Variants in RCOR3 observed in about 807,000 individuals in gnomAD.
The protein encoded by RCOR3 is REST corepressor 3.
RCOR3 carries 13 observed loss-of-function variants against 64.1 expected under a neutral mutation model. That is an observed-to-expected ratio of 0.20 (90% confidence interval 0.13 to 0.32). The LOEUF is 0.32. Among genes scored for constraint, RCOR3 ranks in the 10% least tolerant of loss-of-function variants. The pLI is 1.00. For missense variants in RCOR3, 489 were observed against 701.2 expected, an observed-to-expected ratio of 0.70 and a Z score of 3.42; for synonymous variants, 215 against 239.0, an observed-to-expected ratio of 0.90 and a Z score of 0.93.
intron 10 of RCOR3, among the ~76,000 whole-genome samples, chr1:211,308,698 T>TTTTTTTTTG (rs1701171863): frequency 9.8e-5 from 4 of 40,874 alleles, no homozygotes; most frequent in African/African-American, 2.7e-4. Context: ...TTTTTTTTTT[T>TTTTTTTTTG]TGTGTAGTCC....
In RCOR3 at chr1:211,259,487, G is replaced by T; in HGVS notation, c.-74G>T. 1.4e-6 allele frequency: 2 copies of T among 1,409,302 alleles called. No individual in the cohort carries two copies. Among genetic ancestry groups the T allele is most frequent in the Non-Finnish European group, 1.9e-6 (2 of 1,055,400 alleles). The allele number at this position is 1,409,302 out of a possible 1,614,324, so 87.3% of individuals were successfully genotyped here. A position where few individuals can be genotyped will look rare whatever the true frequency, so the allele number is the denominator to read the frequency against. ...CCTCCTCCTCCTTTCCCTCCCGCCCGCGCTCTAAGCCATCTCCGCCTTCAC... is the reference window on the plus strand; with the variant it reads ...CCTCCTCCTCCTTTCCCTCCCGCCCTCGCTCTAAGCCATCTCCGCCTTCAC... On this transcript the variant is annotated 5_prime_UTR_variant, in exon 1 of 12. Transcript: ENST00000419091.
At chr1:211,290,381 C>G (rs1699108885) in intron 8 of RCOR3, among the ~76,000 whole-genome samples, 1 of 152,184 alleles carries the variant, frequency 6.6e-6, no homozygotes, top group Non-Finnish European at 1.5e-5. Flanking sequence ...TTTCCCAACA[C>G]ATGTAAACCA....
Position 211,289,164 on chromosome 1 carries a change from T to C in RCOR3, c.721-14T>C. The C allele has an allele frequency of 6.2e-7, 1 of 1,602,836 alleles. No homozygotes were observed. Among genetic ancestry groups the C allele is most frequent in the Non-Finnish European group, 8.5e-7 (1 of 1,169,762 alleles). ...AAAACCAAGTGACCTGTTATTCTGCTTTTATTCTCTTAGGGTAATACTGAA... is the reference window on the plus strand; with the variant it reads ...AAAACCAAGTGACCTGTTATTCTGCCTTTATTCTCTTAGGGTAATACTGAA... On this transcript the variant is annotated splice_polypyrimidine_tract_variant and intron_variant, in intron 7 of 11. Coordinates refer to ENST00000419091, the MANE Select transcript of RCOR3 (RefSeq NM_001136223.3).
chr1:211,271,206 T>C, intron 2 of RCOR3, 26 bp from the exon 3 acceptor site: 1 of 1,591,442 alleles, frequency 6.3e-7, no homozygotes, highest in Non-Finnish European at 8.6e-7. Flanking sequence ...TCCATCATAT[T>C]CAAAGTAATT....
intron 8 of RCOR3, among the ~76,000 whole-genome samples, chr1:211,293,528 T>C (rs1558089829): frequency 6.6e-6 from 1 of 152,196 alleles, no homozygotes. Context: ...GCTGTCCTTT[T>C]CTTTGGAACA....
At position 211,289,313 on chromosome 1, in the gene RCOR3, G is replaced by A. The variant is rs1698950656; in HGVS notation, c.856G>A (p.Val286Met). Residue 286 changes from valine (V) to methionine (M), a missense_variant, in exon 8 of 12, where the codon GTG becomes ATG. By Grantham distance (21) the Val-to-Met change is conservative. Around this residue, in one of 2 missense-constraint regions of RCOR3, gnomAD observed 402 missense variants for 617.0 expected, o/e 0.65. Transcript: ENST00000419091. Reference protein sequence around the residue: ...PKGMYLTQEDVVAVSCSPNAA... With the variant: ...PKGMYLTQEDMVAVSCSPNAA... ...GGGCATGTATTTAACCCAGGAAGAT[G>A]TGGTAGCAGTTTCCTGTAGTCCCAA... 6.2e-7 allele frequency: 1 copy of A among 1,614,042 alleles called. No individual in the cohort carries two copies. The highest frequency in any genetic ancestry group is 8.5e-7 in the Non-Finnish European group (1 of 1,180,032).
At position 211,260,172 on chromosome 1, in the gene RCOR3, T is replaced by A; in HGVS notation, c.223+8T>A. On this transcript the variant is annotated splice_region_variant and intron_variant, in intron 2 of 11. Transcript: ENST00000419091. Reference sequence around the variant, plus strand: ...TCCCTGAATTTGATCCAGGTAGATATATTTGCTTAAGCAAAATCTCATATC... The same window carrying A: ...TCCCTGAATTTGATCCAGGTAGATAAATTTGCTTAAGCAAAATCTCATATC... 6.2e-7 allele frequency: 1 copy of A among 1,611,496 alleles called. No homozygotes were observed. The highest frequency in any genetic ancestry group is 8.5e-7 in the Non-Finnish European group (1 of 1,178,076).
chr1:211,308,042 AAGT>A (rs1214767646), intron 10 of RCOR3, among the ~76,000 whole-genome samples: 3 of 152,152 alleles, frequency 2.0e-5, no homozygotes, highest in African/African-American at 7.2e-5. Flanking sequence ...AAAGGAGAAA[AAGT>A]AGATTTGGCA....
intron 9 of RCOR3, chr1:211,301,432 A>C (rs1700368246): frequency 6.6e-6 from 1 of 152,138 alleles, no homozygotes; most frequent in African/African-American, 2.4e-5. Flanking sequence ...TTGCCCCCCA[A>C]AACAAAACAC....
intron 2 of RCOR3, among the ~76,000 whole-genome samples, chr1:211,265,233 GTCTT>G (rs1453484685): frequency 2.6e-5 from 4 of 152,056 alleles, no homozygotes; most frequent in African/African-American, 9.7e-5. Flanking sequence ...TGATAATAAA[GTCTT>G]TATCTGTATT....
At chr1:211,300,421 T>C in intron 9 of RCOR3, among the ~76,000 whole-genome samples, 1 of 152,184 alleles carries the variant, frequency 6.6e-6, no homozygotes, top group East Asian at 1.9e-4. Flanking sequence ...GCATTGGCAC[T>C]GATGACCACA....
Position 211,260,126 on chromosome 1 carries a change from G to C in RCOR3, c.185G>C (p.Gly62Ala), listed in dbSNP as rs1350522031. ...DDEHDVGMRVGAEYQARIPEF... is the reference protein window; with the variant it reads ...DDEHDVGMRVAAEYQARIPEF... ...TTTGCAGATGTTGGGATGAGAGTCG[G>C]AGCCGAATACCAAGCTCGGATCCCT... The change falls in exon 2 of 12, where the codon GGA (glycine) becomes GCA (alanine). Residue 62 changes from glycine to alanine, a missense_variant. This residue lies in a region of RCOR3 where 402 missense variants were observed against 617.0 expected (regional missense o/e 0.65). Transcript: ENST00000419091. The C allele has an allele frequency of 6.2e-7, 1 of 1,611,982 alleles. No individual in the cohort carries two copies. The highest frequency in any genetic ancestry group is 8.5e-7 in the Non-Finnish European group (1 of 1,178,762).
At chr1:211,287,544 T>C (rs766800575) in intron 7 of RCOR3, among the ~76,000 whole-genome samples, 27 of 152,230 alleles carry the variant, frequency 1.8e-4, no homozygotes, top group Non-Finnish European at 3.1e-4. Flanking sequence ...ATCCGCCATG[T>C]GTTGCTTGGA....
At chr1:211,274,001 A>G (rs527521654) in intron 3 of RCOR3, among the ~76,000 whole-genome samples, 1 of 152,272 alleles carries the variant, frequency 6.6e-6, no homozygotes, top group East Asian at 1.9e-4. Flanking sequence ...TCGTAGAGAT[A>G]AGTTATACTA....
At chr1:211,279,203 G>A (rs1227100584) in intron 6 of RCOR3, 35 bp from the exon 7 acceptor site, 4 of 1,347,570 alleles carry the variant, frequency 3.0e-6, no homozygotes, top group Admixed American at 2.1e-5. Context: ...AAAAAAAAAA[G>A]GGAATTAAGT....
rs756785659 is a variant in RCOR3 at position 211,313,416 on chromosome 1, A to G, written c.1318-8A>G. The G allele has an allele frequency of 1.2e-6, 2 of 1,603,718 alleles. No homozygotes were observed. The highest frequency in any genetic ancestry group is 2.2e-5 in the East Asian group (1 of 44,648). ...CTCATACGTGTATTTTTGTTTCCTC[A>G]CCTCTAGGCACAGACCCCACAGGCT... On this transcript the variant is annotated splice_region_variant and splice_polypyrimidine_tract_variant and intron_variant, in intron 11 of 11. Coordinates refer to ENST00000419091, the MANE Select transcript of RCOR3 (RefSeq NM_001136223.3). The surrounding 1 kb of genome is among the most constrained non-coding windows in gnomAD (Gnocchi z 4.7).
In RCOR3 at chr1:211,290,617, A is replaced by G. The variant is rs142894319; in HGVS notation, c.939+1221A>G. ...TGTCTCAAACTCCTGGGCTCAAGCAATCTTCCTGCCTGCCCCTCAAAGTGC... is the reference window on the plus strand; with the variant it reads ...TGTCTCAAACTCCTGGGCTCAAGCAGTCTTCCTGCCTGCCCCTCAAAGTGC... On this transcript the variant is annotated intron_variant, in intron 8 of 11. Coordinates refer to ENST00000419091, the MANE Select transcript of RCOR3 (RefSeq NM_001136223.3). Among the ~76,000 whole-genome samples, 458 of 152,206 alleles carry G rather than the reference A, an allele frequency of 3.0e-3. 3 individuals are homozygous for G. The highest frequency in any genetic ancestry group is 0.01 in the African/African-American group (425 of 41,524).
chr1:211,308,673 G>GTTTTTTTTTTT (rs545513442), intron 10 of RCOR3, among the ~76,000 whole-genome samples: 4 of 40,476 alleles, frequency 9.9e-5, no homozygotes, highest in African/African-American at 1.4e-4. Context: ...TTTTTTTTTT[G>GTTTTTTTTTTT]TTTTTTTTTT....
At chr1:211,282,902 TATG>T (rs1482423795) in intron 7 of RCOR3, among the ~76,000 whole-genome samples, 4 of 152,222 alleles carry the variant, frequency 2.6e-5, no homozygotes, top group African/African-American at 7.2e-5. Context: ...TATAATCACA[TATG>T]ATGATATGAT....
Sources: allele counts gnomAD v4.1 joint callset (sites outside exome capture counted in the v4.1 genomes callset), GRCh38; gene constraint gnomAD v4.1.1; regional missense constraint gnomAD v4.1.1; non-coding constraint Gnocchi (gnomAD v3.1); transcripts MANE v1.5; gene names NCBI Gene and HGNC (gene_info 2026-07-23, HGNC 2026-07-21).